CAPRIN1: variants seen among roughly 807,000 people sequenced by gnomAD.
CAPRIN1 encodes the protein cell cycle associated protein 1.
In CAPRIN1, 29 loss-of-function variants were observed where a neutral mutation model predicts 100.9. The observed-to-expected ratio is 0.29, with a 90% CI of 0.21 to 0.39. The LOEUF is 0.39. Ranked by LOEUF, CAPRIN1 falls within the 10% of genes least tolerant of loss-of-function variation. The pLI is 1.00. For synonymous variants in CAPRIN1, 338 were observed against 307.5 expected (o/e 1.10, Z -1.04); for missense variants, 795 against 876.7 (o/e 0.91, Z 1.18).
At position 34,091,975 on chromosome 11, in the gene CAPRIN1, C is replaced by G. The variant is rs772325651; in HGVS notation, c.1624C>G (p.Gln542Glu). 1.9e-6 allele frequency: 3 copies of G among 1,614,106 alleles called. No homozygotes were observed. The South Asian group carries it at 3.3e-5, about 18-fold the overall frequency. The change falls in exon 15 of 19, where the codon CAG becomes GAG. Residue 542 changes from glutamine (Q) to glutamate (E), a missense_variant. By Grantham distance (29) the Gln-to-Glu change is conservative. Coordinates refer to ENST00000341394, the MANE Select transcript of CAPRIN1 (RefSeq NM_005898.5). Reference protein sequence around the residue: ...PETLKQQNQYQASYNQSFSSQ... With the variant: ...PETLKQQNQYEASYNQSFSSQ... ...AACTTTAAAACAGCAAAATCAGTAC[C>G]AGGCCAGTTATAACCAGAGCTTTTC...
intron 4 of CAPRIN1, among the ~76,000 whole-genome samples, chr11:34,075,528 T>G (rs1271087305): frequency 6.6e-6 from 1 of 152,230 alleles, no homozygotes; most frequent in African/African-American, 2.4e-5. Flanking sequence ...CAGCATCATC[T>G]TATTCATAAA....
At chr11:34,081,344 G>A (rs1297633710) in intron 7 of CAPRIN1, among the ~76,000 whole-genome samples, 2 of 151,912 alleles carry the variant, frequency 1.3e-5, no homozygotes, top group Admixed American at 6.6e-5. Flanking sequence ...GGGACTACAG[G>A]CGCATCACCA....
chr11:34,068,826 C>CT (rs1381915932), intron 2 of CAPRIN1, among the ~76,000 whole-genome samples: 2 of 152,244 alleles, frequency 1.3e-5, no homozygotes, highest in East Asian at 3.9e-4. Flanking sequence ...CATCGCTACA[C>CT]AAACATTTTT....
rs1205676505 is a variant in CAPRIN1 at position 34,089,448 on chromosome 11, G to A, written c.1285G>A (p.Ala429Thr). 2.5e-6 allele frequency: 4 copies of A among 1,598,504 alleles called. No individual in the cohort carries two copies. Among genetic ancestry groups the A allele is most frequent in the African/African-American group, 1.3e-5 (1 of 74,338 alleles). The change falls in exon 12 of 19, where the codon GCG becomes ACG. Residue 429 changes from alanine to threonine, a missense_variant. Ala to Thr is a moderately conservative substitution (Grantham distance 58). Around this residue, in one of 3 missense-constraint regions of CAPRIN1, gnomAD observed 648 missense variants for 697.9 expected, o/e 0.93. Transcript: ENST00000341394. ...TAATCAAGTTCCTGTACAACCAGAA[G>A]CGACACAGGTAAGAGTGATAAAACT... ...QPNQVPVQPEATQVPLVSSTS... is the reference protein window; with the variant it reads ...QPNQVPVQPETTQVPLVSSTS...
At chr11:34,052,367 T>G (rs1217026656) in intron 1 of CAPRIN1, 54 bp from the exon 2 acceptor site, 2 of 1,437,924 alleles carry the variant, frequency 1.4e-6, no homozygotes, top group Admixed American at 1.8e-5. Flanking sequence ...GTCTCCTGAC[T>G]GGCCGCTCTT....
chr11:34,053,792 T>G (rs1386145410), intron 2 of CAPRIN1: 1 of 152,214 alleles, frequency 6.6e-6, no homozygotes, highest in African/African-American at 2.4e-5. Flanking sequence ...AGTGAATAAT[T>G]AAAATGAGTA....
At chr11:34,059,689 T>C (rs2134086597) in intron 2 of CAPRIN1, among the ~76,000 whole-genome samples, 1 of 152,310 alleles carries the variant, frequency 6.6e-6, no homozygotes, top group Non-Finnish European at 1.5e-5. Flanking sequence ...GCCAAATCAT[T>C]ACATAGAAAT....
chr11:34,084,000 C>G (rs1216901357), intron 9 of CAPRIN1, among the ~76,000 whole-genome samples: 2 of 152,054 alleles, frequency 1.3e-5, no homozygotes, highest in Non-Finnish European at 1.5e-5. Context: ...ACTGGGGAGA[C>G]AGAAGTTGTA....
intron 18 of CAPRIN1, chr11:34,098,857 G>A (rs906463717): frequency 6.1e-6 from 6 of 989,124 alleles, no homozygotes; most frequent in Non-Finnish European, 7.2e-6. Context: ...TAGGTAATAA[G>A]GTCTGTTTTC....
At chr11:34,086,546 TAGAA>T (rs573012713) in intron 11 of CAPRIN1, 133 bp downstream of exon 11, 112 of 572,132 alleles carry the variant, frequency 2.0e-4, no homozygotes, top group Admixed American at 5.6e-4. Flanking sequence ...TTTAATTTGA[TAGAA>T]AGAATGTTAT....
In CAPRIN1 at chr11:34,052,531, G is replaced by C. The variant is rs952860556; in HGVS notation, c.111G>C (p.Pro37=). ...EAAAGAGAAA[P]ASQHPATGTG... Reference sequence around the variant, plus strand: ...CCGCGGGAGCCGGGGCCGCCGCGCCGGCTTCTCAGCACCCCGCAACCGGCA... The same window carrying C: ...CCGCGGGAGCCGGGGCCGCCGCGCCCGCTTCTCAGCACCCCGCAACCGGCA... The change falls in exon 2 of 19, where the codon CCG becomes CCC. Residue 37 remains proline (P), a synonymous_variant. Transcript: ENST00000341394. The C allele has an allele frequency of 3.7e-6, 6 of 1,605,940 alleles. No individual in the cohort carries two copies. In the South Asian group the frequency reaches 6.6e-5, roughly 18 times the overall value.
chr11:34,086,564 T>C, intron 11 of CAPRIN1, 151 bp downstream of exon 11: 1 of 561,088 alleles, frequency 1.8e-6, no homozygotes, highest in Non-Finnish European at 3.1e-6. Flanking sequence ...ATGTTATTGT[T>C]CCTATGATTT....
chr11:34,076,565 A>T lies in CAPRIN1; in HGVS notation c.611A>T (p.Asn204Ile). The T allele has an allele frequency of 6.2e-7, 1 of 1,613,684 alleles. No individual in the cohort carries two copies. The change falls in exon 6 of 19, where the codon AAT (asparagine) becomes ATT (isoleucine). Residue 204 changes from asparagine to isoleucine, a missense_variant. Around this residue, in one of 3 missense-constraint regions of CAPRIN1, gnomAD observed 648 missense variants for 697.9 expected, o/e 0.93. Coordinates refer to ENST00000341394, the MANE Select transcript of CAPRIN1 (RefSeq NM_005898.5). Reference sequence around the variant, plus strand: ...TAGCTATTTACTATTAAAAGGTTGAATGAACAGTATGAACATGCCTCCATT... The same window carrying T: ...TAGCTATTTACTATTAAAAGGTTGATTGAACAGTATGAACATGCCTCCATT... ...DPERDMSLRL[N>I]EQYEHASIHL...
At chr11:34,097,988 A>G (rs1453884765) in intron 18 of CAPRIN1, 1 of 1,231,274 alleles carries the variant, frequency 8.1e-7, no homozygotes, top group South Asian at 3.1e-5. Context: ...AAACTAGAAC[A>G]TATTCTCTTC....
At chr11:34,089,587 C>G (rs924164293) in intron 12 of CAPRIN1, 131 bp downstream of exon 12, 1 of 431,374 alleles carries the variant, frequency 2.3e-6, no homozygotes, top group South Asian at 6.2e-5. Context: ...GGCAGTGTAG[C>G]GAGACACCAT....
intron 13 of CAPRIN1, 95 bp downstream of exon 13, chr11:34,090,384 T>A: frequency 1.6e-6 from 2 of 1,246,808 alleles, no homozygotes; most frequent in South Asian, 1.3e-5. Flanking sequence ...TTCTTCTTTT[T>A]GGACCTACTT....
rs751020702 is a variant in CAPRIN1, at chr11:34,086,327, A to G, written c.1145A>G (p.Asn382Ser). ...TAGGATTCAATGCTGGATTTTGAAA[A>G]TCAGACACTTGATCCTGCCATTGTA... The part of the protein sequence containing the change: ...FIQDSMLDFE[N>S]QTLDPAIVSA... The change falls in exon 11 of 19, where the codon AAT (asparagine) becomes AGT (serine). Residue 382 changes from asparagine (N) to serine (S), a missense_variant. Asn to Ser is a conservative substitution (Grantham distance 46, BLOSUM62 1). Around this residue, in one of 3 missense-constraint regions of CAPRIN1, gnomAD observed 648 missense variants for 697.9 expected, o/e 0.93. Coordinates refer to ENST00000341394, the MANE Select transcript of CAPRIN1 (RefSeq NM_005898.5). 11 of 1,613,878 alleles carry G rather than the reference A, an allele frequency of 6.8e-6. No homozygotes were observed. Among genetic ancestry groups the G allele is most frequent in the Non-Finnish European group, 8.5e-6 (10 of 1,179,838 alleles).
chr11:34,094,015 A>G (rs1036983915), intron 15 of CAPRIN1, among the ~76,000 whole-genome samples: 3 of 152,142 alleles, frequency 2.0e-5, no homozygotes, highest in East Asian at 1.9e-4. Flanking sequence ...AGTAGAAACT[A>G]TATATATGTG....
intron 7 of CAPRIN1, 124 bp from the exon 8 acceptor site, chr11:34,082,701 T>A (rs562869663): frequency 1.4e-6 from 1 of 696,546 alleles, no homozygotes; most frequent in South Asian, 1.7e-5. Context: ...TTTACTCTTA[T>A]TGTTAATAAT....
Sources: allele counts gnomAD v4.1 joint callset (sites outside exome capture counted in the v4.1 genomes callset), GRCh38; gene constraint gnomAD v4.1.1; regional missense constraint gnomAD v4.1.1; transcripts MANE v1.5; gene names NCBI Gene and HGNC (gene_info 2026-07-23, HGNC 2026-07-21).